TBC1D22A: variants seen among roughly 807,000 people sequenced by gnomAD.
The protein encoded by TBC1D22A is putative GTPase activator.
A neutral mutation model predicts 60.2 loss-of-function variants in TBC1D22A; 38 were observed. That is an observed-to-expected ratio of 0.63 (90% CI 0.49 to 0.83). The LOEUF is 0.83. TBC1D22A is among the 40% of genes least tolerant of loss of function. TBC1D22A has a pLI of 0.00. For missense variants in TBC1D22A, 628 were observed against 701.0 expected (o/e 0.90, Z 1.18); for synonymous variants, 302 against 281.7 (o/e 1.07, Z -0.72).
At chr22:46,823,032 T>C (rs2085895844) in intron 4 of TBC1D22A, among the ~76,000 whole-genome samples, 1 of 152,194 alleles carries the variant, frequency 6.6e-6, no homozygotes, top group African/African-American at 2.4e-5. Context: ...TTCAGACCAA[T>C]GTGGGTAACC....
At chr22:47,098,888 G>A (rs1488241498) in intron 11 of TBC1D22A, among the ~76,000 whole-genome samples, 1 of 152,248 alleles carries the variant, frequency 6.6e-6, no homozygotes, top group African/African-American at 2.4e-5. Flanking sequence ...GAGGACAGGA[G>A]CCAGGGTCTC....
At chr22:46,814,062 C>A (rs1049256288) in intron 4 of TBC1D22A, among the ~76,000 whole-genome samples, 1 of 152,228 alleles carries the variant, frequency 6.6e-6, no homozygotes, top group Non-Finnish European at 1.5e-5. Flanking sequence ...CTGGCCTCTT[C>A]ACCCACAGGC....
chr22:46,885,340 A>C (rs1244810131), intron 5 of TBC1D22A, among the ~76,000 whole-genome samples: 1 of 152,082 alleles, frequency 6.6e-6, no homozygotes, highest in African/African-American at 2.4e-5. Context: ...CTTCGTGTCC[A>C]TGTGACTCTG....
chr22:46,780,610 C>G (rs1183059101), intron 1 of TBC1D22A, among the ~76,000 whole-genome samples: 3 of 152,248 alleles, frequency 2.0e-5, no homozygotes, highest in African/African-American at 7.2e-5. Flanking sequence ...CTCTGTCCCT[C>G]TTGACTCTGA....
At chr22:46,852,393 C>A (rs114008891) in intron 4 of TBC1D22A, among the ~76,000 whole-genome samples, 1 of 152,162 alleles carries the variant, frequency 6.6e-6, no homozygotes, top group Non-Finnish European at 1.5e-5. Context: ...GTTTCTTCAG[C>A]GACACCATTC....
chr22:47,097,237 G>A lies in TBC1D22A; in HGVS notation c.1330-14271G>A, dbSNP rs1182998625. 2.7e-5 allele frequency among the ~76,000 whole-genome samples: 3 copies of A among 111,720 alleles called. No individual in the cohort carries two copies. The East Asian group carries it at 9.4e-4, about 35-fold the overall frequency. The allele number at this position is 111,720 out of a possible 152,430, so 73.3% of individuals were successfully genotyped here. On this transcript the variant is annotated intron_variant, in intron 11 of 12. Coordinates refer to ENST00000337137, the MANE Select transcript of TBC1D22A (RefSeq NM_014346.5). Reference sequence around the variant, plus strand: ...CTTTGCAGTTGTCATGCTAGTTTTGGCCCTTTGCTCTTCAATATCAACTTT... The same window carrying A: ...CTTTGCAGTTGTCATGCTAGTTTTGACCCTTTGCTCTTCAATATCAACTTT...
At chr22:47,166,255 C>T (rs2068205800) in intron 12 of TBC1D22A, among the ~76,000 whole-genome samples, 1 of 152,062 alleles carries the variant, frequency 6.6e-6, no homozygotes, top group Non-Finnish European at 1.5e-5. Flanking sequence ...CAGACCCTGG[C>T]CTGGAGCAGG....
chr22:46,819,980 C>G (rs1455418439), intron 4 of TBC1D22A, among the ~76,000 whole-genome samples: 1 of 152,156 alleles, frequency 6.6e-6, no homozygotes, highest in Non-Finnish European at 1.5e-5. Context: ...GTATATGCAT[C>G]TAGGAATTTA....
intron 4 of TBC1D22A, among the ~76,000 whole-genome samples, chr22:46,826,145 T>C (rs1342624129): frequency 6.6e-6 from 1 of 152,256 alleles, no homozygotes; most frequent in African/African-American, 2.4e-5. Flanking sequence ...CCTCCCAAAG[T>C]GCTGGGATTA....
intron 12 of TBC1D22A, 73 bp downstream of exon 12, chr22:47,111,676 C>T: frequency 7.2e-7 from 1 of 1,383,828 alleles, no homozygotes; most frequent in East Asian, 2.4e-5. Flanking sequence ...CATTTTAGTT[C>T]ACAGGGTTAT....
At chr22:47,052,214 C>A (rs1357506901) in intron 11 of TBC1D22A, among the ~76,000 whole-genome samples, 1 of 152,236 alleles carries the variant, frequency 6.6e-6, no homozygotes, top group African/African-American at 2.4e-5. Flanking sequence ...GAGCAATTTG[C>A]TTTCATTTTG....
At chr22:46,968,852 C>G (rs1429667296) in intron 8 of TBC1D22A, among the ~76,000 whole-genome samples, 1 of 152,230 alleles carries the variant, frequency 6.6e-6, no homozygotes, top group African/African-American at 2.4e-5. Context: ...GTGGTTTTCT[C>G]CTGACCAAGC....
intron 4 of TBC1D22A, among the ~76,000 whole-genome samples, chr22:46,844,070 G>A (rs2086888120): frequency 6.6e-6 from 1 of 151,288 alleles, no homozygotes; most frequent in African/African-American, 2.4e-5. Flanking sequence ...GTACAAGCTT[G>A]GGCTGGACTG....
chr22:47,113,442 C>T (rs1297061725), intron 12 of TBC1D22A, among the ~76,000 whole-genome samples: 5 of 152,088 alleles, frequency 3.3e-5, no homozygotes, highest in Middle Eastern at 3.4e-3. Flanking sequence ...GGAGAGGACT[C>T]GGGGTGTGCC....
chr22:47,010,842 A>G (rs2061731212), intron 10 of TBC1D22A, among the ~76,000 whole-genome samples: 1 of 152,126 alleles, frequency 6.6e-6, no homozygotes, highest in Non-Finnish European at 1.5e-5. Flanking sequence ...ACAACAACAA[A>G]TCAAAGAAAT....
chr22:47,076,361 G>GTGTATATA (rs1392245000), intron 11 of TBC1D22A, among the ~76,000 whole-genome samples: 31 of 101,922 alleles, frequency 3.0e-4, no homozygotes, highest in Non-Finnish European at 4.3e-4. Flanking sequence ...ATATGTGTGT[G>GTGTATATA]TATATATATA....
At chr22:47,147,985 G>C (rs1335603496) in intron 12 of TBC1D22A, among the ~76,000 whole-genome samples, 1 of 152,176 alleles carries the variant, frequency 6.6e-6, no homozygotes, top group Admixed American at 6.5e-5. Flanking sequence ...CTCCCCACCA[G>C]GCTCCTCCTT....
chr22:46,870,691 G>T (rs932655786), intron 4 of TBC1D22A, among the ~76,000 whole-genome samples: 1 of 152,166 alleles, frequency 6.6e-6, no homozygotes, highest in African/African-American at 2.4e-5. Flanking sequence ...TCGCATCAAG[G>T]TGCCGGCATC....
intron 11 of TBC1D22A, among the ~76,000 whole-genome samples, chr22:47,073,179 G>A (rs761781649): frequency 1.3e-5 from 2 of 152,164 alleles, no homozygotes; most frequent in Admixed American, 6.5e-5. Context: ...CAGACTTGGC[G>A]AAGAAATAGA....
Sources: allele counts gnomAD v4.1 joint callset (sites outside exome capture counted in the v4.1 genomes callset), GRCh38; gene constraint gnomAD v4.1.1; transcripts MANE v1.5; gene names NCBI Gene and HGNC (gene_info 2026-07-23, HGNC 2026-07-21).